The following RPS6KB2 variants were observed in gnomAD, a reference collection of about 807,000 sequenced individuals.
RPS6KB2 encodes ribosomal protein S6 kinase B2, also known as ribosomal protein S6 kinase beta-2.
RPS6KB2 carries 51 observed loss-of-function variants against 58.2 expected under a neutral mutation model. The observed-to-expected ratio is 0.88, with a 90% confidence interval of 0.70 to 1.11. The LOEUF (loss-of-function observed/expected upper bound fraction) is 1.11. RPS6KB2 is among the 50% of genes least tolerant of loss of function. RPS6KB2 has a pLI of 0.00. For missense variants in RPS6KB2, 671 were observed against 655.8 expected (o/e 1.02, Z -0.25); for synonymous variants, 293 against 258.6 (o/e 1.13, Z -1.28).
In RPS6KB2 at chr11:67,434,057, G is replaced by C; in HGVS notation, c.969G>C (p.Gln323His). The C allele has an allele frequency of 1.2e-6, 2 of 1,614,092 alleles. No individual in the cohort carries two copies. The highest frequency in any genetic ancestry group is 1.7e-6 in the Non-Finnish European group (2 of 1,179,986). The change falls in exon 11 of 15, where the codon CAG (glutamine) becomes CAC (histidine). Residue 323 changes from glutamine (Q) to histidine (H), a missense_variant and splice_region_variant. Coordinates refer to ENST00000312629, the MANE Select transcript of RPS6KB2 (RefSeq NM_003952.3). ...GCCCAGGGGATGCTGCTGATGTGCA[G>C]GTGGGTTTGGGACCACCACCAGGGG... ...GGGPGDAADVQRHPFFRHMNW... is the reference protein window; with the variant it reads ...GGGPGDAADVHRHPFFRHMNW...
Position 67,432,394 on chromosome 11 carries a change from C to T in RPS6KB2, c.458-206C>T, listed in dbSNP as rs759505474. On this transcript the variant is annotated intron_variant, in intron 5 of 14. Coordinates refer to ENST00000312629, the MANE Select transcript of RPS6KB2 (RefSeq NM_003952.3). ...AGGGCAGTGGCTGGGTCTCTTCATC[C>T]TGTCCCCAGCTTCACCCAGCACAGG... 8.6e-6 allele frequency: 6 copies of T among 700,196 alleles called. No homozygotes were observed. In the South Asian group the frequency reaches 9.0e-5, roughly 10 times the overall value. The allele number at this position is 700,196 out of a possible 1,614,324, so 43.4% of individuals were successfully genotyped here. A position where few individuals can be genotyped will look rare whatever the true frequency, so the allele number is the denominator to read the frequency against.
chr11:67,429,003 T>C lies in RPS6KB2; in HGVS notation c.100T>C (p.Leu34=), dbSNP rs1452810468. 1.2e-6 allele frequency: 2 copies of C among 1,613,608 alleles called. No homozygotes were observed. The change falls in exon 2 of 15, where the codon TTG becomes CTG. Residue 34 remains leucine, a synonymous_variant. Transcript: ENST00000312629. ...ACAGGACGCATGTCCCCTTGCCGAGTTGAGGGCAGCTGGCCTAGAGTGAGT... is the reference window on the plus strand; with the variant it reads ...ACAGGACGCATGTCCCCTTGCCGAGCTGAGGGCAGCTGGCCTAGAGTGAGT... ...SPADACPLAE[L]RAAGLEPVGH...
In RPS6KB2 at chr11:67,433,411, C is replaced by T. The variant is rs925431629; in HGVS notation, c.870C>T (p.Pro290=). The T allele has an allele frequency of 4.3e-6, 7 of 1,613,778 alleles. No individual in the cohort carries two copies. The highest frequency in any genetic ancestry group is 5.9e-6 in the Non-Finnish European group (7 of 1,179,878). ...KIIRGKLALP[P]YLTPDARDLV... The stretch of plus-strand genomic sequence containing the variant: ...TCAGGGGCAAGCTGGCACTGCCCCC[C>T]TACCTCACCCCAGATGCCCGGGACC... The change falls in exon 10 of 15, where the codon CCC becomes CCT. Residue 290 remains proline (P), a synonymous_variant. Coordinates refer to ENST00000312629, the MANE Select transcript of RPS6KB2 (RefSeq NM_003952.3).
At chr11:67,434,801 C>A in intron 14 of RPS6KB2, 107 bp downstream of exon 14, 1 of 1,047,144 alleles carries the variant, frequency 9.5e-7, no homozygotes, top group Non-Finnish European at 1.4e-6. Context: ...GTGTTGGCTT[C>A]GGTTGCTGTG....
rs756802976 is a variant in RPS6KB2 at position 67,433,497 on chromosome 11, T to C, written c.906+50T>C. 7.9e-6 allele frequency: 11 copies of C among 1,390,556 alleles called. No homozygotes were observed. The East Asian group carries it at 2.5e-4, about 32-fold the overall frequency. 86.1% of individuals were successfully genotyped at this position (1,390,556 alleles called of 1,614,324 possible). On this transcript the variant is annotated intron_variant, in intron 10 of 14. Transcript: ENST00000312629. Reference sequence around the variant, plus strand: ...GGGGCCCTGCCAGCCATTCTGCACGTGTTCCTGAGTCTCTCTGGGCTGTGG... The same window carrying C: ...GGGGCCCTGCCAGCCATTCTGCACGCGTTCCTGAGTCTCTCTGGGCTGTGG...
chr11:67,435,392 C>T lies in RPS6KB2; in HGVS notation c.*223C>T. 1.6e-6 allele frequency: 1 copy of T among 616,646 alleles called. No homozygotes were observed. The allele number at this position is 616,646 out of a possible 1,614,324, so 38.2% of individuals were successfully genotyped here. On this transcript the variant is annotated 3_prime_UTR_variant, in exon 15 of 15. Coordinates refer to ENST00000312629, the MANE Select transcript of RPS6KB2 (RefSeq NM_003952.3). ...ACTGCTCCCGTGGAAGATTAAAGGG[C>T]TGAATCATGGTGCTGACCTGGCTCT...
At chr11:67,432,015 T>C in intron 5 of RPS6KB2, 3 of 307,778 alleles carry the variant, frequency 9.7e-6, no homozygotes, top group Non-Finnish European at 1.9e-5. Context: ...AGCCTGGGGC[T>C]GCTCCCAGCC....
At chr11:67,429,767 C>T in intron 4 of RPS6KB2, 172 bp downstream of exon 4, 1 of 596,862 alleles carries the variant, frequency 1.7e-6, no homozygotes, top group Non-Finnish European at 3.0e-6. Context: ...TCAATGGGGG[C>T]AATTTTGACT....
intron 4 of RPS6KB2, 166 bp downstream of exon 4, chr11:67,429,761 T>C (rs564277072): frequency 1.5e-5 from 9 of 606,494 alleles, no homozygotes; most frequent in Non-Finnish European, 2.6e-5. Context: ...TAATTCTCAA[T>C]GGGGGCAATT....
At chr11:67,431,943 G>A in intron 5 of RPS6KB2, 1 of 265,446 alleles carries the variant, frequency 3.8e-6, no homozygotes, top group South Asian at 4.0e-5. Flanking sequence ...TTTTCTAACT[G>A]GGCTGAGGCC....
intron 10 of RPS6KB2, 24 bp downstream of exon 10, chr11:67,433,471 C>T (rs375556575): frequency 2.5e-4 from 385 of 1,544,122 alleles, no homozygotes; most frequent in Non-Finnish European, 3.3e-4. Flanking sequence ...CTCTCTTCTC[C>T]GGGGCCCTGC....
Position 67,431,408 on chromosome 11 carries a change from G to C in RPS6KB2, c.350G>C (p.Arg117Pro). Reference protein sequence around the residue: ...VRNAKDTAHTRAERNILESVK... With the variant: ...VRNAKDTAHTPAERNILESVK... ...AATGCCAAGGACACAGCACACACAC[G>C]GGCTGAGCGGAACATTCTAGAGTCA... is the stretch of plus-strand genomic sequence containing the variant. Residue 117 changes from arginine to proline, a missense_variant, in exon 5 of 15, where the codon CGG becomes CCG. Transcript: ENST00000312629. 1.9e-6 allele frequency: 3 copies of C among 1,614,076 alleles called. No individual in the cohort carries two copies. Among genetic ancestry groups the C allele is most frequent in the Non-Finnish European group, 2.5e-6 (3 of 1,180,014 alleles).
intron 4 of RPS6KB2, 193 bp from the exon 5 acceptor site, chr11:67,431,175 G>A (rs1049990283): frequency 6.2e-6 from 3 of 487,228 alleles, no homozygotes; most frequent in South Asian, 2.2e-5. Context: ...GATTACAGGC[G>A]TGTACCATCA....
At position 67,434,021 on chromosome 11, in the gene RPS6KB2, G is replaced by A. The variant is rs1433091895; in HGVS notation, c.933G>A (p.Arg311=). Residue 311 remains arginine (R), a synonymous_variant, in exon 11 of 15, where the codon CGG becomes CGA. Transcript: ENST00000312629. ...KKFLKRNPSQ[R]IGGGPGDAAD... is the part of the protein sequence containing the mutation. ...TTCTGAAACGGAATCCCAGCCAGCG[G>A]ATTGGGGGTGGCCCAGGGGATGCTG... 4 of 1,614,144 alleles carry A rather than the reference G, an allele frequency of 2.5e-6. No individual in the cohort carries two copies. The highest frequency in any genetic ancestry group is 3.4e-6 in the Non-Finnish European group (4 of 1,180,026).
intron 5 of RPS6KB2, chr11:67,432,168 T>C: frequency 2.6e-6 from 1 of 382,978 alleles, no homozygotes; most frequent in African/African-American, 2.1e-5. Context: ...CTCCATGCTC[T>C]GCATTCGCTC....
In RPS6KB2 at chr11:67,434,380, T is replaced by G. The variant is rs1864177012; in HGVS notation, c.1051T>G (p.Ser351Ala). 1 of 1,612,862 alleles carries G rather than the reference T, an allele frequency of 6.2e-7. No individual in the cohort carries two copies. Among genetic ancestry groups the G allele is most frequent in the Non-Finnish European group, 8.5e-7 (1 of 1,179,808 alleles). The change falls in exon 13 of 15, where the codon TCA (serine) becomes GCA (alanine). Residue 351 changes from serine to alanine, a missense_variant. Ser to Ala is a moderately conservative substitution (Grantham distance 99). Coordinates refer to ENST00000312629, the MANE Select transcript of RPS6KB2 (RefSeq NM_003952.3). ...VDPPFRPCLQ[S>A]EEDVSQFDTR... ...CCCCACTCTGGTCGGCCCACAGCAGTCAGAGGAGGACGTGAGCCAGTTTGA... is the reference window on the plus strand; with the variant it reads ...CCCCACTCTGGTCGGCCCACAGCAGGCAGAGGAGGACGTGAGCCAGTTTGA...
chr11:67,434,316 G>C, intron 12 of RPS6KB2, 41 bp downstream of exon 12: 1 of 1,610,994 alleles, frequency 6.2e-7, no homozygotes, highest in African/African-American at 1.3e-5. Flanking sequence ...GTGGCGGGTG[G>C]CAAGTGGAGA....
chr11:67,431,590 G>T (rs937457187), intron 5 of RPS6KB2, 75 bp downstream of exon 5: 3 of 1,498,462 alleles, frequency 2.0e-6, no homozygotes, highest in Admixed American at 3.6e-5. Context: ...GCTCTGGGGG[G>T]AAGCTCTTGA....
Position 67,428,514 on chromosome 11 carries a change from C to CGGGCCGACG in RPS6KB2, c.-29_-21dup, listed in dbSNP as rs1209185567. ...CTGTCAGTCAGTGCGCGGCCAGGTA[C>CGGGCCGACG]GGGCCGACGGGCCCGCGGGGCCGGC... On this transcript the variant is annotated 5_prime_UTR_variant, in exon 1 of 15. Coordinates refer to ENST00000312629, the MANE Select transcript of RPS6KB2 (RefSeq NM_003952.3). 6.3e-7 allele frequency: 1 copy of CGGGCCGACG among 1,583,750 alleles called. No individual in the cohort carries two copies. The highest frequency in any genetic ancestry group is 8.6e-7 in the Non-Finnish European group (1 of 1,162,418).
Sources: gnomAD v4.1 joint callset for allele counts on GRCh38, gnomAD v4.1.1 for gene constraint, MANE v1.5 for transcripts, NCBI Gene and HGNC (gene_info 2026-07-23, HGNC 2026-07-21) for gene names.